RGL1: variants seen among roughly 807,000 people sequenced by gnomAD.
The protein encoded by RGL1 is ral guanine nucleotide dissociation stimulator like 1, also known as ral guanine nucleotide dissociation stimulator-like 1.
RGL1 carries 24 observed loss-of-function variants against 95.2 expected under a neutral mutation model. The observed-to-expected ratio is 0.25, with a 90% CI of 0.18 to 0.35. RGL1 has a LOEUF of 0.35. RGL1 is among the 10% of genes least tolerant of loss of function. The pLI is 1.00. For missense variants in RGL1, 715 were observed against 936.3 expected (o/e 0.76, Z 3.08); for synonymous variants, 329 against 344.9 (o/e 0.95, Z 0.51).
chr1:183,904,653 T>G (rs928522539), intron 12 of RGL1, among the ~76,000 whole-genome samples, 197 bp from the exon 13 acceptor site: 1 of 152,182 alleles, frequency 6.6e-6, no homozygotes, highest in African/African-American at 2.4e-5. Flanking sequence ...ACAAGGACTT[T>G]GGAGAGTTCT....
chr1:183,803,792 G>A (rs998394026), upstream of RGL1, among the ~76,000 whole-genome samples: 4 of 152,182 alleles, frequency 2.6e-5, no homozygotes, highest in African/African-American at 9.7e-5. Context: ...GGTTCCTGAG[G>A]ATGGCTTAAC....
intron 9 of RGL1, among the ~76,000 whole-genome samples, chr1:183,892,830 G>A (rs1316922224): frequency 6.6e-6 from 1 of 152,168 alleles, no homozygotes; most frequent in Non-Finnish European, 1.5e-5. Flanking sequence ...CAACTAACAG[G>A]TTGTGAACAA....
At chr1:183,827,507 C>CT (rs1405708677) in intron 2 of RGL1, among the ~76,000 whole-genome samples, 2 of 152,236 alleles carry the variant, frequency 1.3e-5, no homozygotes, top group Non-Finnish European at 2.9e-5. Flanking sequence ...ACTCTCATGT[C>CT]TTTTTGGCAA....
At chr1:183,836,433 AT>A (rs1189535784) in intron 2 of RGL1, among the ~76,000 whole-genome samples, 1 of 142,534 alleles carries the variant, frequency 7.0e-6, no homozygotes, top group South Asian at 2.2e-4. Context: ...TTTTTTTTGT[AT>A]TTTTTTGTAT....
chr1:183,875,658 C>A (rs1558264722), intron 4 of RGL1, among the ~76,000 whole-genome samples: 1 of 151,718 alleles, frequency 6.6e-6, no homozygotes, highest in Non-Finnish European at 1.5e-5. Context: ...GGTGGATCAC[C>A]TGAGGTCAGG....
chr1:183,746,882 C>G (rs1253536710), intron 2 of RGL1, among the ~76,000 whole-genome samples: 1 of 152,220 alleles, frequency 6.6e-6, no homozygotes, highest in Non-Finnish European at 1.5e-5. Context: ...TCAACTCCCA[C>G]TTATGAGTGA....
intron 17 of RGL1, among the ~76,000 whole-genome samples, chr1:183,924,594 G>A (rs902392941): frequency 3.9e-5 from 6 of 151,968 alleles, no homozygotes; most frequent in Non-Finnish European, 8.8e-5. Context: ...TGCACGTTCT[G>A]CACATGTACC....
chr1:183,707,235 A>T (rs1351018878), intron 1 of RGL1, among the ~76,000 whole-genome samples: 1 of 152,146 alleles, frequency 6.6e-6, no homozygotes, highest in Non-Finnish European at 1.5e-5. Context: ...TAGGGTCCAG[A>T]TACGGTCCCA....
chr1:183,916,524 C>A lies in RGL1; in HGVS notation c.1827C>A (p.Asn609Lys), dbSNP rs770074289. 6 of 1,613,502 alleles carry A rather than the reference C, an allele frequency of 3.7e-6. No homozygotes were observed. The highest frequency in any genetic ancestry group is 5.1e-6 in the Non-Finnish European group (6 of 1,179,696). The change falls in exon 16 of 18, where the codon AAC becomes AAA. Residue 609 changes from asparagine (N) to lysine (K), a missense_variant. Coordinates refer to ENST00000360851, the MANE Select transcript of RGL1 (RefSeq NM_001297671.3). ...TNSSGMSSLI[N>K]PLSSPPSCNN... is the part of the protein sequence containing the mutation. ...CCTCAGGGATGTCTTCCTTAATCAACCCCCTCTCCTCCCCTCCGTCCTGCA... is the reference window on the plus strand; with the variant it reads ...CCTCAGGGATGTCTTCCTTAATCAAACCCCTCTCCTCCCCTCCGTCCTGCA...
intron 4 of RGL1, among the ~76,000 whole-genome samples, chr1:183,879,731 G>A (rs770128231): frequency 2.6e-5 from 4 of 152,192 alleles, no homozygotes; most frequent in Non-Finnish European, 5.9e-5. Flanking sequence ...AGTCTTCTTT[G>A]AAGATGAAGC....
At chr1:183,854,538 A>G (rs1665020529) in intron 3 of RGL1, among the ~76,000 whole-genome samples, 1 of 152,176 alleles carries the variant, frequency 6.6e-6, no homozygotes, top group Admixed American at 6.5e-5. Flanking sequence ...CAGTGTAGAG[A>G]GGAGTTGATC....
intron 1 of RGL1, among the ~76,000 whole-genome samples, chr1:183,689,570 C>T (rs1267786655): frequency 6.6e-6 from 1 of 152,200 alleles, no homozygotes; most frequent in Non-Finnish European, 1.5e-5. Context: ...GCATGTAACA[C>T]ATCATCAATA....
At chr1:183,667,767 A>T (rs968333663) in intron 1 of RGL1, among the ~76,000 whole-genome samples, 1 of 152,066 alleles carries the variant, frequency 6.6e-6, no homozygotes, top group Non-Finnish European at 1.5e-5. Context: ...TTTATTGAGC[A>T]ATCTGTATGA....
chr1:183,927,669 A>G lies in RGL1; in HGVS notation c.*1377A>G, dbSNP rs932758898. 5.9e-5 allele frequency: 9 copies of G among 152,652 alleles called. No homozygotes were observed. The highest frequency in any genetic ancestry group is 2.2e-4 in the African/African-American group (9 of 41,462). 9.5% of individuals were successfully genotyped at this position (152,652 alleles called of 1,614,324 possible). On this transcript the variant is annotated 3_prime_UTR_variant, in exon 18 of 18. Transcript: ENST00000360851. Reference sequence around the variant, plus strand: ...TCTGAGCTGTGCTGGGGTTTGAACTAAAAGCCATATGTGGAATATTGACAT... The same window carrying G: ...TCTGAGCTGTGCTGGGGTTTGAACTGAAAGCCATATGTGGAATATTGACAT...
At chr1:183,707,008 C>T (rs1307829570) in intron 1 of RGL1, among the ~76,000 whole-genome samples, 2 of 152,070 alleles carry the variant, frequency 1.3e-5, no homozygotes, top group Non-Finnish European at 2.9e-5. Context: ...GGGTTTTTGT[C>T]GGGACCTTGG....
intron 8 of RGL1, among the ~76,000 whole-genome samples, chr1:183,891,311 T>C (rs539664103): frequency 6.6e-6 from 1 of 152,250 alleles, no homozygotes; most frequent in African/African-American, 2.4e-5. Context: ...GAGAAAACCA[T>C]GAGGCTCACA....
At chr1:183,672,764 A>G (rs528148910) in intron 1 of RGL1, among the ~76,000 whole-genome samples, 5 of 152,118 alleles carry the variant, frequency 3.3e-5, no homozygotes, top group African/African-American at 1.2e-4. Context: ...TGTTATTTCT[A>G]CCTACTCTTG....
intron 3 of RGL1, among the ~76,000 whole-genome samples, chr1:183,849,541 A>T (rs1219702488): frequency 8.5e-6 from 1 of 117,236 alleles, no homozygotes; most frequent in Non-Finnish European, 1.6e-5. Context: ...TCCAGGCTGG[A>T]GTGCAGTGGC....
chr1:183,915,392 T>A (rs1328101562), intron 15 of RGL1, among the ~76,000 whole-genome samples: 1 of 152,246 alleles, frequency 6.6e-6, no homozygotes, highest in Non-Finnish European at 1.5e-5. Context: ...TAATGATTTT[T>A]AAAAGTACCT....
Sources: gnomAD v4.1 joint callset for allele counts (sites outside exome capture counted in the v4.1 genomes callset) on GRCh38, gnomAD v4.1.1 for gene constraint, MANE v1.5 for transcripts, NCBI Gene and HGNC (gene_info 2026-07-23, HGNC 2026-07-21) for gene names.